The following ATP9A variants were observed in gnomAD, a reference collection of about 807,000 sequenced individuals.
The protein encoded by ATP9A is ATPase phospholipid transporting 9A.
A neutral mutation model predicts 144.1 loss-of-function variants in ATP9A; 52 were observed. That is an observed-to-expected ratio of 0.36 (90% CI 0.29 to 0.45). The LOEUF (loss-of-function observed/expected upper bound fraction) is 0.45. Ranked by LOEUF, ATP9A falls within the 20% of genes least tolerant of loss-of-function variation. ATP9A has a pLI of 1.00. For synonymous variants in ATP9A, 582 were observed against 557.4 expected, an observed-to-expected ratio of 1.04 and a Z score of -0.62; for missense variants, 947 against 1,392.7, an observed-to-expected ratio of 0.68 and a Z score of 5.09.
intron 1 of ATP9A, among the ~76,000 whole-genome samples, chr20:51,732,915 G>A (rs2077748176): frequency 6.6e-6 from 1 of 151,812 alleles, no homozygotes; most frequent in Non-Finnish European, 1.5e-5. Context: ...TTACTGGATG[G>A]TGAAGACTGA....
chr20:51,749,412 C>A (rs766644999), intron 1 of ATP9A, among the ~76,000 whole-genome samples: 8 of 152,034 alleles, frequency 5.3e-5, no homozygotes, highest in African/African-American at 1.4e-4. Flanking sequence ...ATTACAGGTG[C>A]CCACCACCAT....
intron 3 of ATP9A, among the ~76,000 whole-genome samples, chr20:51,723,236 T>C (rs779977640): frequency 1.6e-4 from 25 of 152,028 alleles, no homozygotes; most frequent in Non-Finnish European, 2.9e-4. Context: ...GCAATGGACT[T>C]TGGGGACTTG....
chr20:51,608,469 A>G (rs1278368120), intron 25 of ATP9A, 49 bp downstream of exon 25: 2 of 1,246,956 alleles, frequency 1.6e-6, no homozygotes, highest in Non-Finnish European at 2.4e-6. Flanking sequence ...GAAGGAAGGG[A>G]AAAGCAAAGG....
intron 1 of ATP9A, among the ~76,000 whole-genome samples, chr20:51,758,566 C>A (rs1193875202): frequency 6.6e-6 from 1 of 152,210 alleles, no homozygotes; most frequent in Non-Finnish European, 1.5e-5. Context: ...TCAAAGGGTG[C>A]CCCCATCTCC....
chr20:51,724,958 T>A (rs1409972563), intron 3 of ATP9A, among the ~76,000 whole-genome samples: 1 of 152,224 alleles, frequency 6.6e-6, no homozygotes, highest in East Asian at 1.9e-4. Flanking sequence ...TGTTTGAGAT[T>A]GCAGATGTTT....
chr20:51,735,325 G>A (rs1198020707), intron 1 of ATP9A, among the ~76,000 whole-genome samples: 4 of 151,308 alleles, frequency 2.6e-5, no homozygotes, highest in African/African-American at 4.9e-5. Context: ...TACATGCAGG[G>A]AGACGCTTGC....
chr20:51,622,529 G>A (rs970083439), intron 18 of ATP9A, among the ~76,000 whole-genome samples: 1 of 152,200 alleles, frequency 6.6e-6, no homozygotes, highest in African/African-American at 2.4e-5. Context: ...ACAGGTGAGG[G>A]GGCACTTCCC....
At chr20:51,663,219 G>C (rs760559549) in intron 13 of ATP9A, among the ~76,000 whole-genome samples, 1 of 151,900 alleles carries the variant, frequency 6.6e-6, no homozygotes, top group African/African-American at 2.4e-5. Context: ...GAATATGATG[G>C]GTTCTCATTG....
intron 3 of ATP9A, among the ~76,000 whole-genome samples, chr20:51,716,889 C>CA: frequency 6.6e-6 from 1 of 152,268 alleles, no homozygotes; most frequent in Admixed American, 6.5e-5. Context: ...CACGACTTCT[C>CA]AGAGTCAGCT....
At chr20:51,705,496 T>C (rs1199065652) in intron 4 of ATP9A, among the ~76,000 whole-genome samples, 1 of 152,154 alleles carries the variant, frequency 6.6e-6, no homozygotes, top group Non-Finnish European at 1.5e-5. Context: ...AGAGCATAGA[T>C]CTTTGGCTTA....
intron 3 of ATP9A, among the ~76,000 whole-genome samples, chr20:51,718,420 C>G (rs2077672208): frequency 6.6e-6 from 1 of 151,550 alleles, no homozygotes; most frequent in Non-Finnish European, 1.5e-5. Context: ...AAATATTTCT[C>G]CAATATCATG....
intron 14 of ATP9A, among the ~76,000 whole-genome samples, chr20:51,648,641 T>G (rs1321901275): frequency 2.0e-5 from 3 of 152,080 alleles, no homozygotes; most frequent in African/African-American, 7.2e-5. Context: ...ATTGGCCTGG[T>G]CAACATAGCA....
intron 14 of ATP9A, among the ~76,000 whole-genome samples, chr20:51,651,539 C>G (rs1290533963): frequency 6.6e-6 from 1 of 151,410 alleles, no homozygotes; most frequent in Non-Finnish European, 1.5e-5. Context: ...TAGTAGTTAT[C>G]GCCAGGTGGC....
At chr20:51,645,758 T>C (rs1026298594) in intron 14 of ATP9A, among the ~76,000 whole-genome samples, 2 of 152,166 alleles carry the variant, frequency 1.3e-5, no homozygotes, top group East Asian at 1.9e-4. Context: ...CACCTCTCGA[T>C]TGTGGGCCAG....
chr20:51,654,356 G>A (rs966711584), intron 14 of ATP9A, among the ~76,000 whole-genome samples: 1 of 152,026 alleles, frequency 6.6e-6, no homozygotes. Flanking sequence ...GTGAACTTTG[G>A]GAAAGATGTT....
chr20:51,652,380 G>A (rs1309623621), intron 14 of ATP9A, among the ~76,000 whole-genome samples: 1 of 152,184 alleles, frequency 6.6e-6, no homozygotes, highest in Non-Finnish European at 1.5e-5. Context: ...TGAATCCTAC[G>A]CCAACTGGTA....
chr20:51,738,503 C>T (rs1408140754), intron 1 of ATP9A, among the ~76,000 whole-genome samples: 6 of 148,694 alleles, frequency 4.0e-5, no homozygotes, highest in African/African-American at 9.9e-5. Context: ...CAGGAGTTCA[C>T]GACCAGCCTT....
At chr20:51,717,740 G>A (rs1365620810) in intron 3 of ATP9A, among the ~76,000 whole-genome samples, 4 of 152,072 alleles carry the variant, frequency 2.6e-5, no homozygotes, top group Non-Finnish European at 1.5e-5. Flanking sequence ...CAGATCATGA[G>A]GTCAGGAGTT....
intron 7 of ATP9A, among the ~76,000 whole-genome samples, chr20:51,693,175 G>A (rs541590544): frequency 1.9e-4 from 29 of 152,340 alleles, no homozygotes; most frequent in South Asian, 8.3e-4. Flanking sequence ...GAACCCACCC[G>A]CAGGGATGCT....
Sources: gnomAD v4.1 joint callset for allele counts (sites outside exome capture counted in the v4.1 genomes callset) on GRCh38, gnomAD v4.1.1 for gene constraint, MANE v1.5 for transcripts, NCBI Gene and HGNC (gene_info 2026-07-23, HGNC 2026-07-21) for gene names.